Variants in SEMA5A observed in about 807,000 individuals in gnomAD.
SEMA5A encodes semaphorin 5A, also known as semaphorin-5A.
Under a neutral mutation model 135.5 loss-of-function variants are expected in SEMA5A, and 55 were observed. That is an observed-to-expected ratio of 0.41 (90% CI 0.33 to 0.51). The LOEUF (loss-of-function observed/expected upper bound fraction) is 0.51. Ranked by LOEUF, SEMA5A falls within the 20% of genes least tolerant of loss-of-function variation. The pLI is 0.37. For missense variants in SEMA5A, 1,290 were observed against 1,419.9 expected (o/e 0.91, Z 1.47); for synonymous variants, 580 against 546.5 (o/e 1.06, Z -0.85).
intron 1 of SEMA5A, among the ~76,000 whole-genome samples, chr5:9,482,244 C>T (rs1263228747): frequency 6.6e-6 from 1 of 152,132 alleles, no homozygotes; most frequent in Non-Finnish European, 1.5e-5. Flanking sequence ...AGATTCAGGA[C>T]ATCTATAGCA....
chr5:9,053,835 T>C, intron 19 of SEMA5A: 1 of 362,264 alleles, frequency 2.8e-6, no homozygotes, highest in East Asian at 4.2e-5. Context: ...AACTCGTGCT[T>C]GAAGCCTTTA....
At chr5:9,425,375 TCA>T (rs376493158) in intron 2 of SEMA5A, among the ~76,000 whole-genome samples, 1 of 151,824 alleles carries the variant, frequency 6.6e-6, no homozygotes, top group Non-Finnish European at 1.5e-5. Flanking sequence ...CTACATGTGT[TCA>T]CACACACACA....
At position 9,308,792 on chromosome 5, in the gene SEMA5A, C is replaced by T. The variant is rs185902465; in HGVS notation, c.270+9580G>A. ...GGCTAAATCACATAAACTTGTAGAC[C>T]TCAACTCCTCTGCTGTTGAATATTG... On this transcript the variant is annotated intron_variant, in intron 5 of 22. Transcript: ENST00000382496. Among the ~76,000 whole-genome samples the T allele has an allele frequency of 4.1e-3, 620 of 152,196 alleles. 2 individuals are homozygous for T. The highest frequency in any genetic ancestry group is 6.0e-3 in the Non-Finnish European group (409 of 68,010).
intron 17 of SEMA5A, among the ~76,000 whole-genome samples, chr5:9,066,101 G>C (rs1187286825): frequency 6.6e-6 from 1 of 152,222 alleles, no homozygotes; most frequent in Admixed American, 6.5e-5. Context: ...GAAGATGTAT[G>C]AAAGATCAGT....
intron 2 of SEMA5A, among the ~76,000 whole-genome samples, chr5:9,413,448 A>G (rs1757174401): frequency 6.6e-6 from 1 of 152,220 alleles, no homozygotes; most frequent in Non-Finnish European, 1.5e-5. Context: ...ATTGAGCAAG[A>G]TGGAGCTAGG....
intron 1 of SEMA5A, among the ~76,000 whole-genome samples, chr5:9,505,658 T>C (rs1735841136): frequency 6.6e-6 from 1 of 152,170 alleles, no homozygotes. Context: ...ACCCCAGGAC[T>C]CTGGTGAAGG....
chr5:9,180,261 C>T (rs1324055608), intron 11 of SEMA5A, among the ~76,000 whole-genome samples: 1 of 152,160 alleles, frequency 6.6e-6, no homozygotes, highest in Non-Finnish European at 1.5e-5. Flanking sequence ...GGAATTTCAA[C>T]ATACCTTCTT....
At chr5:9,535,292 C>T (rs1052593459) in intron 1 of SEMA5A, among the ~76,000 whole-genome samples, 6 of 152,308 alleles carry the variant, frequency 3.9e-5, no homozygotes, top group African/African-American at 7.2e-5. Flanking sequence ...GATTTCTTTT[C>T]GCAAGCTGGT....
rs185125845 is a variant in SEMA5A, at chr5:9,420,228, G to C, written c.-78+17528C>G. ...GTGATAGCAGCAGCATTTGCCAACAGAGTGGTGCTAGTGGGCTGTATTACA... is the reference window on the plus strand; with the variant it reads ...GTGATAGCAGCAGCATTTGCCAACACAGTGGTGCTAGTGGGCTGTATTACA... On this transcript the variant is annotated intron_variant, in intron 2 of 22. Coordinates refer to ENST00000382496, the MANE Select transcript of SEMA5A (RefSeq NM_003966.3). Among the ~76,000 whole-genome samples the C allele has an allele frequency of 5.0e-4, 76 of 152,240 alleles. 1 individual carries two copies. Among genetic ancestry groups the C allele is most frequent in the African/African-American group, 1.8e-3 (76 of 41,538 alleles).
intron 1 of SEMA5A, among the ~76,000 whole-genome samples, chr5:9,507,106 G>T (rs1735928370): frequency 6.6e-6 from 1 of 152,190 alleles, no homozygotes; most frequent in Admixed American, 6.5e-5. Flanking sequence ...TGTAATAAAT[G>T]ACATGGGTGT....
chr5:9,341,205 T>C (rs868479162), intron 3 of SEMA5A, among the ~76,000 whole-genome samples: 23 of 144,604 alleles, frequency 1.6e-4, no homozygotes, highest in Middle Eastern at 3.7e-3. Flanking sequence ...CACACACACA[T>C]ACACACACAC....
At chr5:9,202,646 T>C (rs949075520) in intron 8 of SEMA5A, among the ~76,000 whole-genome samples, 4 of 152,236 alleles carry the variant, frequency 2.6e-5, no homozygotes, top group Non-Finnish European at 5.9e-5. Context: ...GTTCAGAATA[T>C]AGCAGTCTAC....
At chr5:9,483,463 A>G (rs1477139133) in intron 1 of SEMA5A, among the ~76,000 whole-genome samples, 2 of 152,204 alleles carry the variant, frequency 1.3e-5, no homozygotes, top group African/African-American at 4.8e-5. Context: ...ACTGAAAAAT[A>G]CCAGGCATAA....
intron 5 of SEMA5A, among the ~76,000 whole-genome samples, chr5:9,250,268 C>T (rs1175905317): frequency 6.6e-6 from 1 of 152,080 alleles, no homozygotes; most frequent in Admixed American, 6.6e-5. Flanking sequence ...GTCTTTTGAT[C>T]ATGTAGATGT....
intron 2 of SEMA5A, among the ~76,000 whole-genome samples, chr5:9,390,658 A>G (rs1006858133): frequency 1.1e-4 from 17 of 152,110 alleles, no homozygotes; most frequent in African/African-American, 3.6e-4. Flanking sequence ...TGAGTTAATT[A>G]GAGTTTGTCA....
chr5:9,204,483 G>A lies in SEMA5A; in HGVS notation c.647-2243C>T, dbSNP rs1745900908. Among the ~76,000 whole-genome samples, 2 of 152,218 alleles carry A rather than the reference G, an allele frequency of 1.3e-5. No homozygotes were observed. The highest frequency in any genetic ancestry group is 2.9e-5 in the Non-Finnish European group (2 of 68,034). ...AGATCTTTTATGGTTTCCAGCTGAA[G>A]GATGAGTTTATAATAAAAACAGCTA... On this transcript the variant is annotated intron_variant, in intron 8 of 22. Coordinates refer to ENST00000382496, the MANE Select transcript of SEMA5A (RefSeq NM_003966.3). This position sits in a 1 kb window ranked among gnomAD's most constrained non-coding sequence, Gnocchi z 6.4.
chr5:9,243,362 T>C (rs1381698182), intron 5 of SEMA5A, among the ~76,000 whole-genome samples: 1 of 152,172 alleles, frequency 6.6e-6, no homozygotes, highest in Non-Finnish European at 1.5e-5. Flanking sequence ...CCTCTTCTTA[T>C]AAGGACACCG....
chr5:9,240,203 GA>G (rs948647903), intron 5 of SEMA5A, among the ~76,000 whole-genome samples: 11 of 151,744 alleles, frequency 7.2e-5, no homozygotes, highest in Non-Finnish European at 1.0e-4. Context: ...TGATTAGAAA[GA>G]AAAAAAATTA....
rs1742378898 is a variant in SEMA5A, at chr5:9,147,109, C to T, written c.1481+7379G>A. Among the ~76,000 whole-genome samples, 3 of 152,264 alleles carry T rather than the reference C, an allele frequency of 2.0e-5. No individual in the cohort carries two copies. In the South Asian group the frequency reaches 6.2e-4, roughly 32 times the overall value. ...ATTAAGAAAGGTGTCAACCTATTAA[C>T]TCCGGCTTTTAAAACTTTGACCTTT... On this transcript the variant is annotated intron_variant, in intron 12 of 22. Coordinates refer to ENST00000382496, the MANE Select transcript of SEMA5A (RefSeq NM_003966.3).
Sources: allele counts gnomAD v4.1 joint callset (sites outside exome capture counted in the v4.1 genomes callset), GRCh38; gene constraint gnomAD v4.1.1; non-coding constraint Gnocchi (gnomAD v3.1); transcripts MANE v1.5; gene names NCBI Gene and HGNC (gene_info 2026-07-23, HGNC 2026-07-21).